TNIK: variants seen among roughly 807,000 people sequenced by gnomAD.
The protein encoded by TNIK is TRAF2 and NCK-interacting protein kinase.
A neutral mutation model predicts 191.3 loss-of-function variants in TNIK; 49 were observed. The ratio of observed to expected loss-of-function variants is 0.26; its 90% CI spans 0.20 to 0.32. TNIK has a LOEUF of 0.32. Among genes scored for constraint, TNIK ranks in the 10% least tolerant of loss-of-function variants. The pLI is 1.00. For synonymous variants in TNIK, 594 were observed against 600.9 expected (o/e 0.99, Z 0.17); for missense variants, 1,155 against 1,702.3 (o/e 0.68, Z 5.66).
chr3:171,206,912 A>C (rs1740163540), intron 4 of TNIK, among the ~76,000 whole-genome samples: 1 of 152,202 alleles, frequency 6.6e-6, no homozygotes, highest in East Asian at 1.9e-4. Flanking sequence ...CAACTTTTCT[A>C]TCTGGCCCAT....
In TNIK at chr3:171,138,186, C is replaced by G; in HGVS notation, c.1608+5G>C. The G allele has an allele frequency of 6.3e-7, 1 of 1,580,730 alleles. No individual in the cohort carries two copies. Among genetic ancestry groups the G allele is most frequent in the Non-Finnish European group, 8.6e-7 (1 of 1,166,710 alleles). On this transcript the variant is annotated splice_donor_5th_base_variant and intron_variant, in intron 15 of 32. Transcript: ENST00000436636. ...AACAGGGTGAGGCTACCCTTGCTTA[C>G]TTACCTCCTTGGCCCATGCTGGCTT...
chr3:171,378,148 C>A (rs1203746409), intron 1 of TNIK, among the ~76,000 whole-genome samples: 8 of 152,184 alleles, frequency 5.3e-5, no homozygotes, highest in Admixed American at 2.0e-4. Flanking sequence ...AGAGGGAGAG[C>A]AAACAGGCTC....
At chr3:171,431,624 C>T (rs1004847938) in intron 1 of TNIK, among the ~76,000 whole-genome samples, 4 of 152,136 alleles carry the variant, frequency 2.6e-5, no homozygotes, top group Non-Finnish European at 2.9e-5. Flanking sequence ...TAACTTACTT[C>T]TCCACTTAGG....
At chr3:171,125,797 A>G in intron 17 of TNIK, 115 bp downstream of exon 17, 1 of 1,451,456 alleles carries the variant, frequency 6.9e-7, no homozygotes, top group South Asian at 1.3e-5. Context: ...AAACATGAGA[A>G]GGGGAAGTGC....
intron 2 of TNIK, among the ~76,000 whole-genome samples, chr3:171,295,852 G>T (rs1396691259): frequency 1.3e-5 from 2 of 152,108 alleles, no homozygotes; most frequent in Admixed American, 1.3e-4. Flanking sequence ...AAGAGAGAGT[G>T]CCAGCTCTTT....
intron 1 of TNIK, among the ~76,000 whole-genome samples, chr3:171,456,184 C>T (rs762089274): frequency 5.9e-5 from 9 of 152,150 alleles, no homozygotes; most frequent in Non-Finnish European, 1.3e-4. Context: ...GAATGCCTTA[C>T]CCTGTGGGCC....
intron 1 of TNIK, among the ~76,000 whole-genome samples, chr3:171,435,995 T>TTCTAAGACACAACACATGCAGACTTAA (rs1725985550): frequency 6.6e-6 from 1 of 152,188 alleles, no homozygotes; most frequent in Non-Finnish European, 1.5e-5. Flanking sequence ...CAAAGCTTAC[T>TTCTAAGACACAACACATGCAGACTTAA]TCTAAGACAC....
At chr3:171,288,172 GA>G (rs1429658641) in intron 2 of TNIK, among the ~76,000 whole-genome samples, 71 of 107,464 alleles carry the variant, frequency 6.6e-4, no homozygotes, top group African/African-American at 2.5e-3. Flanking sequence ...CTGTGGTGGG[GA>G]GGGGGGAGGG....
At chr3:171,179,355 G>A (rs530325828) in intron 7 of TNIK, among the ~76,000 whole-genome samples, 30 of 152,324 alleles carry the variant, frequency 2.0e-4, no homozygotes, top group Non-Finnish European at 4.0e-4. Flanking sequence ...GGTTATTTCC[G>A]GAGCTGATGG....
intron 1 of TNIK, among the ~76,000 whole-genome samples, chr3:171,378,258 G>A (rs971287122): frequency 1.3e-5 from 2 of 152,164 alleles, no homozygotes; most frequent in African/African-American, 4.8e-5. Flanking sequence ...GACAGTGAGA[G>A]GCGGTATAGC....
intron 1 of TNIK, among the ~76,000 whole-genome samples, chr3:171,410,813 T>G (rs371391754): frequency 7.1e-6 from 1 of 141,420 alleles, no homozygotes; most frequent in Non-Finnish European, 1.5e-5. Context: ...AGACTTTGCC[T>G]GGAAAATTGG....
chr3:171,142,946 AC>A (rs1731048856), intron 12 of TNIK, among the ~76,000 whole-genome samples: 1 of 152,228 alleles, frequency 6.6e-6, no homozygotes, highest in Non-Finnish European at 1.5e-5. Flanking sequence ...AAGGATTTGT[AC>A]ATTTTGAACC....
intron 1 of TNIK, among the ~76,000 whole-genome samples, chr3:171,445,546 C>T (rs1171529438): frequency 6.6e-6 from 1 of 152,064 alleles, no homozygotes; most frequent in East Asian, 1.9e-4. Context: ...TTTAGAAAAT[C>T]ACAACATGCA....
chr3:171,210,093 A>G (rs970872186), intron 4 of TNIK, among the ~76,000 whole-genome samples: 2 of 152,224 alleles, frequency 1.3e-5, no homozygotes, highest in African/African-American at 2.4e-5. Context: ...GTAAGAGGTT[A>G]AAAAGGTATT....
intron 2 of TNIK, among the ~76,000 whole-genome samples, chr3:171,332,019 T>A (rs1049423055): frequency 4.5e-5 from 1 of 22,292 alleles, no homozygotes; most frequent in Non-Finnish European, 9.2e-5. Flanking sequence ...TAATGTAAAT[T>A]AATCTAAAAT....
intron 3 of TNIK, among the ~76,000 whole-genome samples, chr3:171,222,375 GT>G (rs765223021): frequency 4.8e-4 from 73 of 152,156 alleles, no homozygotes; most frequent in Admixed American, 9.2e-4. Context: ...AATGGACGTT[GT>G]TTTAAGGATT....
At chr3:171,215,953 G>A (rs981769146) in intron 3 of TNIK, among the ~76,000 whole-genome samples, 1 of 152,140 alleles carries the variant, frequency 6.6e-6, no homozygotes, top group Non-Finnish European at 1.5e-5. Flanking sequence ...GAAGTATAAG[G>A]TGTATAGATT....
intron 1 of TNIK, among the ~76,000 whole-genome samples, chr3:171,424,920 A>C (rs1181084871): frequency 6.6e-6 from 1 of 151,892 alleles, no homozygotes; most frequent in Admixed American, 6.6e-5. Context: ...CCAACATGGC[A>C]CATGTATATA....
intron 1 of TNIK, among the ~76,000 whole-genome samples, chr3:171,434,020 G>A (rs578154713): frequency 2.5e-4 from 31 of 126,410 alleles, no homozygotes; most frequent in East Asian, 8.0e-4. Flanking sequence ...AGCTCAGCTC[G>A]CTACAACCAC....
Sources: gnomAD v4.1 joint callset for allele counts (sites outside exome capture counted in the v4.1 genomes callset) on GRCh38, gnomAD v4.1.1 for gene constraint, MANE v1.5 for transcripts, NCBI Gene and HGNC (gene_info 2026-07-23, HGNC 2026-07-21) for gene names.